Variants in SHANK2 observed in about 807,000 individuals in gnomAD.
SHANK2 encodes the protein SH3 and multiple ankyrin repeat domains 2, also known as SH3 and multiple ankyrin repeat domains protein 2.
In SHANK2, 43 loss-of-function variants were observed where a neutral mutation model predicts 133.7. The ratio of observed to expected loss-of-function variants is 0.32; its 90% CI spans 0.25 to 0.41. SHANK2 has a LOEUF of 0.41. SHANK2 is among the 10% of genes least tolerant of loss of function. The pLI is 1.00. For synonymous variants in SHANK2, 1,017 were observed against 952.8 expected (o/e 1.07, Z -1.24); for missense variants, 1,994 against 2,235.8 (o/e 0.89, Z 2.18).
Position 70,809,022 on chromosome 11 carries a change from C to G in SHANK2, c.1494-1851G>C, listed in dbSNP as rs138921929. Among the ~76,000 whole-genome samples the G allele has an allele frequency of 1.1e-3, 171 of 152,336 alleles. 1 individual carries two copies. The highest frequency in any genetic ancestry group is 1.9e-3 in the Non-Finnish European group (131 of 68,036). ...CTGACTTCTACACCCGACAGTAAGA[C>G]ACACCTTAACAGGGCCCAGAGACAG... On this transcript the variant is annotated intron_variant, in intron 12 of 25. Transcript: ENST00000601538.
chr11:70,534,641 C>T (rs911246890), intron 17 of SHANK2, among the ~76,000 whole-genome samples: 7 of 152,186 alleles, frequency 4.6e-5, no homozygotes, highest in Non-Finnish European at 1.0e-4. Flanking sequence ...CTGGCTTCAA[C>T]AAATGCCAGC....
intron 11 of SHANK2, among the ~76,000 whole-genome samples, chr11:70,837,975 C>CAAAAAAAAAAAAA (rs55862093): frequency 1.2e-3 from 30 of 25,178 alleles, no homozygotes; most frequent in South Asian, 2.1e-3. Context: ...CATTCTGTCT[C>CAAAAAAAAAAAAA]AAAAAAAAAA....
intron 11 of SHANK2, chr11:70,863,933 G>A (rs1177504576): frequency 4.6e-5 from 20 of 435,522 alleles, no homozygotes; most frequent in East Asian, 2.1e-4. Flanking sequence ...CCCCCACAAC[G>A]GTGAGAGAAT....
At chr11:70,920,239 T>C (rs575128704) in intron 10 of SHANK2, among the ~76,000 whole-genome samples, 1 of 152,272 alleles carries the variant, frequency 6.6e-6, no homozygotes, top group South Asian at 2.1e-4. Context: ...TCTCTATAAA[T>C]AGAAATATTA....
intron 17 of SHANK2, among the ~76,000 whole-genome samples, chr11:70,595,513 C>A (rs2060387446): frequency 6.6e-6 from 1 of 152,204 alleles, no homozygotes; most frequent in Admixed American, 6.5e-5. Flanking sequence ...CTGGCCCAGA[C>A]AACCCTCTGC....
Position 71,163,093 on chromosome 11 carries a change from A to AAAC in SHANK2, c.-12-15756_-12-15755insGTT. On this transcript the variant is annotated intron_variant, in intron 2 of 25. Coordinates refer to ENST00000601538, the MANE Select transcript of SHANK2 (RefSeq NM_012309.5). ...GTCTAAAAAAAAAAAAAAAAAAAAA[A>AAAC]ATACATATATATATATATACAGAAT... 8.3e-4 allele frequency among the ~76,000 whole-genome samples: 70 copies of AAAC among 84,702 alleles called. 5 individuals carry two copies. Among genetic ancestry groups the AAAC allele is most frequent in the Non-Finnish European group, 1.5e-3 (58 of 39,568 alleles). The allele number at this position is 84,702 out of a possible 152,430, so 55.6% of individuals were successfully genotyped here.
intron 17 of SHANK2, among the ~76,000 whole-genome samples, chr11:70,508,733 A>G (rs952928961): frequency 6.6e-6 from 1 of 152,260 alleles, no homozygotes; most frequent in Admixed American, 6.5e-5. Context: ...TCTACAAAAA[A>G]TACAAGTTAG....
At chr11:70,566,008 G>T (rs1471229944) in intron 17 of SHANK2, among the ~76,000 whole-genome samples, 2 of 152,180 alleles carry the variant, frequency 1.3e-5, no homozygotes, top group African/African-American at 4.8e-5. Flanking sequence ...CCACATGGCT[G>T]GGGAGGCCTC....
At chr11:71,133,671 A>G in intron 3 of SHANK2, among the ~76,000 whole-genome samples, 1 of 152,144 alleles carries the variant, frequency 6.6e-6, no homozygotes, top group South Asian at 2.1e-4. Context: ...GGCTGGAGTC[A>G]GTGTTGGGCC....
chr11:70,532,697 T>C (rs941174498), intron 17 of SHANK2, among the ~76,000 whole-genome samples: 2 of 151,030 alleles, frequency 1.3e-5, no homozygotes, highest in African/African-American at 2.4e-5. Flanking sequence ...GTGAAAGAGT[T>C]TGAAGGTTCC....
At chr11:70,752,031 A>G (rs1946758642) in intron 14 of SHANK2, among the ~76,000 whole-genome samples, 1 of 152,240 alleles carries the variant, frequency 6.6e-6, no homozygotes, top group South Asian at 2.1e-4. Flanking sequence ...CATTAATAAT[A>G]ACATTAAATT....
At chr11:70,849,569 G>C (rs1296980550) in intron 11 of SHANK2, among the ~76,000 whole-genome samples, 1 of 152,128 alleles carries the variant, frequency 6.6e-6, no homozygotes, top group Non-Finnish European at 1.5e-5. Flanking sequence ...CCTACCCTTT[G>C]TCAAATGAAA....
chr11:70,702,409 CCAT>C (rs1413095327), intron 14 of SHANK2, among the ~76,000 whole-genome samples: 55 of 151,178 alleles, frequency 3.6e-4, no homozygotes, highest in East Asian at 1.2e-3. Context: ...ATCCTCTTCA[CCAT>C]CATCATCATC....
chr11:71,108,940 C>A (rs1005599553), intron 6 of SHANK2, among the ~76,000 whole-genome samples: 19 of 152,152 alleles, frequency 1.2e-4, no homozygotes, highest in East Asian at 3.9e-4. Flanking sequence ...CCAGCGGGCC[C>A]CCCCCCAGCG....
chr11:71,062,359 G>A (rs1386416923), intron 9 of SHANK2, among the ~76,000 whole-genome samples: 1 of 152,264 alleles, frequency 6.6e-6, no homozygotes, highest in African/African-American at 2.4e-5. Context: ...AGAGACCACA[G>A]GGCCAGGAGA....
In SHANK2 at chr11:71,167,441, G is replaced by A. The variant is rs868951353; in HGVS notation, c.-12-20103C>T. 1.7e-3 allele frequency among the ~76,000 whole-genome samples: 249 copies of A among 144,560 alleles called. 1 individual carries two copies. The Middle Eastern group carries it at 0.023, about 13-fold the overall frequency. The allele number at this position is 144,560 out of a possible 152,430, so 94.8% of individuals were successfully genotyped here. A position where few individuals can be genotyped will look rare whatever the true frequency, so the allele number is the denominator to read the frequency against. On this transcript the variant is annotated intron_variant, in intron 2 of 25. Transcript: ENST00000601538. ...GACCCCCCCCACCTCCCTCCCAGAC[G>A]GGGCGGCTGGCCGGGCAGAGGGGCT...
chr11:70,503,709 T>A (rs2059094727), intron 17 of SHANK2, among the ~76,000 whole-genome samples: 1 of 152,206 alleles, frequency 6.6e-6, no homozygotes, highest in South Asian at 2.1e-4. Context: ...GACACGGAAG[T>A]AGGAACGGAC....
At chr11:71,070,388 C>T (rs1266161769) in intron 9 of SHANK2, among the ~76,000 whole-genome samples, 2 of 152,244 alleles carry the variant, frequency 1.3e-5, no homozygotes, top group African/African-American at 4.8e-5. Flanking sequence ...ACCCTGCCCA[C>T]TGGTTCTTGG....
At chr11:70,905,627 G>C (rs1950090256) in intron 10 of SHANK2, among the ~76,000 whole-genome samples, 1 of 152,100 alleles carries the variant, frequency 6.6e-6, no homozygotes, top group Non-Finnish European at 1.5e-5. Context: ...CCTTGGAAAA[G>C]AGGCTGCAGA....
Sources: allele counts gnomAD v4.1 joint callset (sites outside exome capture counted in the v4.1 genomes callset), GRCh38; gene constraint gnomAD v4.1.1; transcripts MANE v1.5; gene names NCBI Gene and HGNC (gene_info 2026-07-23, HGNC 2026-07-21).